The following POLR1A variants were observed in gnomAD, a reference collection of about 807,000 sequenced individuals.
The protein encoded by POLR1A is RNA polymerase I subunit A.
In POLR1A, 84 loss-of-function variants were observed where a neutral mutation model predicts 205.3. The ratio of observed to expected loss-of-function variants is 0.41; its 90% confidence interval spans 0.34 to 0.49. The LOEUF is 0.49. Among genes scored for constraint, POLR1A ranks in the 20% least tolerant of loss-of-function variants. POLR1A has a pLI of 0.22. For synonymous variants in POLR1A, 799 were observed against 863.7 expected, an observed-to-expected ratio of 0.93 and a Z score of 1.31; for missense variants, 1,645 against 2,204.5, an observed-to-expected ratio of 0.75 and a Z score of 5.08.
intron 2 of POLR1A, among the ~76,000 whole-genome samples, chr2:86,099,147 T>C (rs1380397977): frequency 6.6e-6 from 1 of 151,960 alleles, no homozygotes; most frequent in East Asian, 1.9e-4. Context: ...GCCAGGAGTT[T>C]GAGACCAGCC....
intron 19 of POLR1A, 97 bp from the exon 20 acceptor site, chr2:86,045,866 A>C: frequency 9.2e-7 from 1 of 1,092,252 alleles, no homozygotes; most frequent in Non-Finnish European, 1.3e-6. Flanking sequence ...CTTGAAGAAA[A>C]GCTGCATGGA....
rs1220044005 is a variant in POLR1A, at chr2:86,042,018, G to C, written c.3443C>G (p.Ser1148Cys). The C allele has an allele frequency of 6.2e-7, 1 of 1,613,960 alleles. No individual in the cohort carries two copies. The highest frequency in any genetic ancestry group is 1.3e-5 in the African/African-American group (1 of 74,918). Reference protein sequence around the residue: ...KAAACPDPSLSVWRPDIYFAS... With the variant: ...KAAACPDPSLCVWRPDIYFAS... Reference sequence around the variant, plus strand: ...AAAGTAGATGTCAGGACGCCAGACAGACAGACTGGGGTCAGGACAAGCGGC... The same window carrying C: ...AAAGTAGATGTCAGGACGCCAGACACACAGACTGGGGTCAGGACAAGCGGC... The change falls in exon 24 of 34, where the codon TCT becomes TGT. Residue 1148 changes from serine (S) to cysteine (C), a missense_variant. Physicochemically the swap from Ser to Cys is moderately radical, Grantham distance 112. Around this residue, in one of 16 missense-constraint regions of POLR1A, gnomAD observed 201 missense variants for 222.3 expected, o/e 0.90. Transcript: ENST00000263857.
Position 86,033,904 on chromosome 2 carries a change from G to T in POLR1A, c.4035-117C>A. ...CAGGGGATCAGTGCACGAGATGGAG[G>T]CCCAGCCTCTCCTAGCCACTCACTT... On this transcript the variant is annotated intron_variant, in intron 27 of 33. Transcript: ENST00000263857. 4 of 1,269,960 alleles carry T rather than the reference G, an allele frequency of 3.1e-6. No individual in the cohort carries two copies. In the Admixed American group the frequency reaches 6.3e-5, roughly 20 times the overall value. The allele number at this position is 1,269,960 out of a possible 1,614,324, so 78.7% of individuals were successfully genotyped here.
intron 11 of POLR1A, among the ~76,000 whole-genome samples, chr2:86,076,656 T>G (rs1040223031): frequency 2.0e-5 from 3 of 152,156 alleles, no homozygotes; most frequent in Admixed American, 1.3e-4. Context: ...AGAAGTGACT[T>G]CGGGGTCTCT....
chr2:86,060,298 G>T (rs1020101865), intron 14 of POLR1A, among the ~76,000 whole-genome samples: 1 of 152,062 alleles, frequency 6.6e-6, no homozygotes, highest in African/African-American at 2.4e-5. Context: ...TGCACAGTGT[G>T]AAAGTTTACA....
intron 1 of POLR1A, among the ~76,000 whole-genome samples, chr2:86,104,456 T>G (rs1442193695): frequency 1.3e-5 from 2 of 150,466 alleles, no homozygotes; most frequent in Admixed American, 6.6e-5. Context: ...AGTTTTTTTT[T>G]TTTTTTTTTT....
chr2:86,038,571 C>T, intron 27 of POLR1A, 129 bp downstream of exon 27: 1 of 847,986 alleles, frequency 1.2e-6, no homozygotes, highest in South Asian at 1.7e-5. Context: ...TTCCTAAACA[C>T]TTCCCTTGAA....
chr2:86,043,378 C>T (rs534127215), intron 22 of POLR1A, among the ~76,000 whole-genome samples, 183 bp from the exon 23 acceptor site: 1 of 152,280 alleles, frequency 6.6e-6, no homozygotes, highest in Admixed American at 6.5e-5. Flanking sequence ...TCAGGGCCCT[C>T]ACTTTGTGCA....
chr2:86,047,160 C>T lies in POLR1A; in HGVS notation c.2733+5G>A, dbSNP rs754942517. 2.5e-6 allele frequency: 4 copies of T among 1,611,072 alleles called. No individual in the cohort carries two copies. The highest frequency in any genetic ancestry group is 3.3e-5 in the Admixed American group (2 of 59,982). ...GTAAAGCTGCCAACCCGCCTCTGCA[C>T]ATACCTGCATCGTGTTCACAGTTGA... On this transcript the variant is annotated splice_donor_5th_base_variant and intron_variant, in intron 19 of 33. Coordinates refer to ENST00000263857, the MANE Select transcript of POLR1A (RefSeq NM_015425.6).
chr2:86,081,481 G>A (rs1357011613), intron 8 of POLR1A, 120 bp downstream of exon 8: 1 of 625,900 alleles, frequency 1.6e-6, no homozygotes, highest in East Asian at 2.7e-5. Flanking sequence ...ACCTGCACCT[G>A]GAGCGGAACT....
chr2:86,056,605 G>T (rs573318222), intron 14 of POLR1A, among the ~76,000 whole-genome samples: 2 of 152,174 alleles, frequency 1.3e-5, no homozygotes, highest in African/African-American at 4.8e-5. Context: ...CACAGCTAGC[G>T]AGAAGTCTGG....
chr2:86,074,927 G>C, intron 12 of POLR1A, 103 bp downstream of exon 12: 1 of 760,058 alleles, frequency 1.3e-6, no homozygotes, highest in Non-Finnish European at 2.1e-6. Flanking sequence ...CCTAGGGATG[G>C]GCTCCTGTGT....
chr2:86,077,811 GCACA>G (rs56874564), intron 11 of POLR1A, 44 bp downstream of exon 11: 2,286 of 186,000 alleles, frequency 0.012, 24 homozygotes, highest in South Asian at 0.063. Flanking sequence ...ACGCGCGCGC[GCACA>G]CACACACACA....
intron 21 of POLR1A, among the ~76,000 whole-genome samples, chr2:86,045,073 C>T (rs1216621701): frequency 6.6e-6 from 1 of 152,214 alleles, no homozygotes. Flanking sequence ...ACACAGAGCC[C>T]TTGGTATAAG....
chr2:86,089,202 G>A (rs764381731), intron 4 of POLR1A, among the ~76,000 whole-genome samples: 9 of 152,234 alleles, frequency 5.9e-5, no homozygotes, highest in Non-Finnish European at 7.3e-5. Flanking sequence ...ACTTGTAAAA[G>A]GAAGCCCTCT....
At chr2:86,051,548 C>A (rs890764900) in intron 16 of POLR1A, among the ~76,000 whole-genome samples, 1 of 152,214 alleles carries the variant, frequency 6.6e-6, no homozygotes, top group Non-Finnish European at 1.5e-5. Context: ...AGCAAAGGAG[C>A]CTTACTTCCA....
At chr2:86,046,032 G>T (rs1672703473) in intron 19 of POLR1A, among the ~76,000 whole-genome samples, 1 of 146,706 alleles carries the variant, frequency 6.8e-6, no homozygotes, top group South Asian at 2.1e-4. Flanking sequence ...CCATGTCTCA[G>T]AACCATCTCA....
At position 86,024,328 on chromosome 2, in the gene POLR1A, C is replaced by T. The variant is rs141476284; in HGVS notation, c.*3095G>A. On this transcript the variant is annotated 3_prime_UTR_variant, in exon 34 of 34. Transcript: ENST00000263857. ...AGAAGTCAAATTCGTAGAGACAGAA[C>T]GTAGAACAGTGGTTGCCAGGGGCTG... 2.8e-3 allele frequency: 461 copies of T among 164,726 alleles called. 5 individuals carry two copies. Among genetic ancestry groups the T allele is most frequent in the Non-Finnish European group, 2.8e-3 (206 of 74,344 alleles). 10.2% of individuals were successfully genotyped at this position (164,726 alleles called of 1,614,324 possible). A position where few individuals can be genotyped will look rare whatever the true frequency, so the allele number is the denominator to read the frequency against.
intron 31 of POLR1A, 95 bp downstream of exon 31, chr2:86,030,101 A>AAT: frequency 1.0e-6 from 1 of 997,568 alleles, no homozygotes; most frequent in South Asian, 1.4e-5. Context: ...GGCCAGAGTA[A>AAT]ATCGCGTAGA....
Sources: allele counts gnomAD v4.1 joint callset (sites outside exome capture counted in the v4.1 genomes callset), GRCh38; gene constraint gnomAD v4.1.1; regional missense constraint gnomAD v4.1.1; transcripts MANE v1.5; gene names NCBI Gene and HGNC (gene_info 2026-07-23, HGNC 2026-07-21).